Variants in TLN2 observed in about 807,000 individuals in gnomAD.
The protein encoded by TLN2 is talin 2, also known as talin-2.
A neutral mutation model predicts 294.7 loss-of-function variants in TLN2; 118 were observed. The observed-to-expected ratio is 0.40, with a 90% CI of 0.34 to 0.47. The LOEUF is 0.47. TLN2 is among the 20% of genes least tolerant of loss of function. The pLI, the probability that TLN2 is intolerant of heterozygous loss-of-function variation, is 0.84. For missense variants in TLN2, 3,083 were observed against 3,282.2 expected, an observed-to-expected ratio of 0.94 and a Z score of 1.48; for synonymous variants, 1,431 against 1,304.5, an observed-to-expected ratio of 1.10 and a Z score of -2.09.
chr15:62,825,393 T>C (rs1277430435), intron 54 of TLN2, among the ~76,000 whole-genome samples: 1 of 152,080 alleles, frequency 6.6e-6, no homozygotes, highest in African/African-American at 2.4e-5. Flanking sequence ...TTGGGTGACT[T>C]TGTCACTGAC....
chr15:62,775,491 C>T (rs1039200119), intron 42 of TLN2, among the ~76,000 whole-genome samples: 1 of 152,192 alleles, frequency 6.6e-6, no homozygotes, highest in Admixed American at 6.5e-5. Flanking sequence ...ATCCTGACAC[C>T]GTTGCCTCAA....
chr15:62,414,164 C>CAATATATATATATA (rs1273620699), intron 1 of TLN2, among the ~76,000 whole-genome samples: 1,742 of 90,564 alleles, frequency 0.019, 175 homozygotes, highest in South Asian at 0.022. Flanking sequence ...AAAAAAAAAA[C>CAATATATATATATA]TATATATATA....
chr15:62,551,915 T>C (rs760721575), intron 1 of TLN2, among the ~76,000 whole-genome samples: 7 of 152,236 alleles, frequency 4.6e-5, no homozygotes, highest in Non-Finnish European at 7.3e-5. Flanking sequence ...TCCTTGACAT[T>C]AAAATTATTT....
intron 15 of TLN2, 103 bp from the exon 16 acceptor site, chr15:62,698,651 G>C: frequency 1.1e-6 from 1 of 889,158 alleles, no homozygotes; most frequent in African/African-American, 1.6e-5. Context: ...AGCCTGGGCT[G>C]CTTTGTCTTG....
At position 62,699,567 on chromosome 15, in the gene TLN2, A is replaced by T. The variant is rs565545936; in HGVS notation, c.1587+700A>T. Among the ~76,000 whole-genome samples the T allele has an allele frequency of 8.1e-4, 124 of 152,262 alleles. 1 individual carries two copies. Among genetic ancestry groups the T allele is most frequent in the Non-Finnish European group, 1.6e-3 (108 of 68,022 alleles). Reference sequence around the variant, plus strand: ...TCTTCCTGTAGCTGCTGCTGCATGAAATCTTCCAACTCCTCACTGCTCAAA... The same window carrying T: ...TCTTCCTGTAGCTGCTGCTGCATGATATCTTCCAACTCCTCACTGCTCAAA... On this transcript the variant is annotated intron_variant, in intron 16 of 58. Coordinates refer to ENST00000636159, the MANE Select transcript of TLN2 (RefSeq NM_015059.3).
At chr15:62,658,056 A>T in intron 9 of TLN2, 158 bp downstream of exon 9, 1 of 654,294 alleles carries the variant, frequency 1.5e-6, no homozygotes, top group South Asian at 2.8e-5. Flanking sequence ...AAATTTGCAG[A>T]TTTTGGGGAA....
intron 28 of TLN2, among the ~76,000 whole-genome samples, chr15:62,731,876 A>G (rs2060746893): frequency 6.6e-6 from 1 of 152,230 alleles, no homozygotes; most frequent in South Asian, 2.1e-4. Context: ...ACTACAAGCA[A>G]AATCCTCTTT....
At chr15:62,592,331 G>C (rs1304394094) in intron 2 of TLN2, among the ~76,000 whole-genome samples, 1 of 152,080 alleles carries the variant, frequency 6.6e-6, no homozygotes, top group East Asian at 1.9e-4. Flanking sequence ...TTAACATTCT[G>C]ATTTTCTGGG....
In TLN2 at chr15:62,604,846, C is replaced by T. The variant is rs141587654; in HGVS notation, c.-161-13505C>T. Among the ~76,000 whole-genome samples, 943 of 152,106 alleles carry T rather than the reference C, an allele frequency of 6.2e-3. 2 individuals are homozygous for T. The highest frequency in any genetic ancestry group is 9.9e-3 in the Non-Finnish European group (673 of 67,998). On this transcript the variant is annotated intron_variant, in intron 2 of 58. Transcript: ENST00000636159. ...CAGACGCAAGCCTACCATCCTGTAG[C>T]GTGTGGACCTAGGGCAAAATTTTCT...
chr15:62,785,663 A>AAAG, intron 45 of TLN2, among the ~76,000 whole-genome samples: 1 of 151,870 alleles, frequency 6.6e-6, no homozygotes, highest in East Asian at 1.9e-4. Context: ...AAAAAAAAAA[A>AAAG]AAAGGGGAAG....
intron 14 of TLN2, among the ~76,000 whole-genome samples, chr15:62,696,526 G>A (rs928145160): frequency 1.3e-5 from 2 of 152,136 alleles, no homozygotes; most frequent in Non-Finnish European, 2.9e-5. Context: ...GGCTAATATG[G>A]TGAAACCCTG....
At chr15:62,476,702 C>T (rs1270261634) in intron 1 of TLN2, among the ~76,000 whole-genome samples, 2 of 152,188 alleles carry the variant, frequency 1.3e-5, no homozygotes, top group Non-Finnish European at 1.5e-5. Context: ...GAGTTTTGAC[C>T]ACTTTCCTCT....
At chr15:62,578,383 A>C (rs2044617481) in intron 1 of TLN2, among the ~76,000 whole-genome samples, 1 of 152,070 alleles carries the variant, frequency 6.6e-6, no homozygotes, top group Non-Finnish European at 1.5e-5. Context: ...CCTGGCCAAC[A>C]TGGTGAAACC....
intron 21 of TLN2, among the ~76,000 whole-genome samples, chr15:62,711,652 T>G (rs2059436069): frequency 6.6e-6 from 1 of 152,270 alleles, no homozygotes; most frequent in South Asian, 2.1e-4. Flanking sequence ...TGTTCCTCTT[T>G]GGCTGCTTCT....
At chr15:62,452,674 A>G (rs534242727) in intron 1 of TLN2, among the ~76,000 whole-genome samples, 55 of 152,216 alleles carry the variant, frequency 3.6e-4, no homozygotes, top group Middle Eastern at 3.4e-3. Context: ...AGGTACCTCA[A>G]TCAGTGGAAT....
At chr15:62,796,522 C>T (rs2065489473) in intron 47 of TLN2, among the ~76,000 whole-genome samples, 1 of 152,190 alleles carries the variant, frequency 6.6e-6, no homozygotes, top group African/African-American at 2.4e-5. Context: ...ATCCAGCCTG[C>T]TACAGCAAAG....
chr15:62,453,207 A>G (rs2036255529), intron 1 of TLN2, among the ~76,000 whole-genome samples: 1 of 151,250 alleles, frequency 6.6e-6, no homozygotes, highest in African/African-American at 2.4e-5. Context: ...ATTTTGGGAG[A>G]TGGGCAGATT....
chr15:62,459,854 C>A (rs1342093098), intron 1 of TLN2, among the ~76,000 whole-genome samples: 1 of 152,028 alleles, frequency 6.6e-6, no homozygotes, highest in Non-Finnish European at 1.5e-5. Flanking sequence ...TTAGCCAAAG[C>A]GATTGCTTTG....
chr15:62,595,045 C>G (rs912907996), intron 2 of TLN2, among the ~76,000 whole-genome samples: 3 of 152,150 alleles, frequency 2.0e-5, no homozygotes, highest in Non-Finnish European at 1.5e-5. Flanking sequence ...AAAAAATACT[C>G]AACATCACTA....
Sources: allele counts gnomAD v4.1 joint callset (sites outside exome capture counted in the v4.1 genomes callset), GRCh38; gene constraint gnomAD v4.1.1; transcripts MANE v1.5; gene names NCBI Gene and HGNC (gene_info 2026-07-23, HGNC 2026-07-21).